The following SPOCK1 variants were observed in gnomAD, a reference collection of about 807,000 sequenced individuals.
The protein encoded by SPOCK1 is testican-1.
A neutral mutation model predicts 55.3 loss-of-function variants in SPOCK1; 23 were observed. The ratio of observed to expected loss-of-function variants is 0.42; its 90% CI spans 0.30 to 0.59. The LOEUF (loss-of-function observed/expected upper bound fraction) is 0.59, where lower values mean the gene tolerates loss of function less well. Ranked by LOEUF, SPOCK1 falls within the 20% of genes least tolerant of loss-of-function variation. The pLI is 0.22. For missense variants in SPOCK1, 499 were observed against 552.5 expected (o/e 0.90, Z 0.97); for synonymous variants, 226 against 221.0 (o/e 1.02, Z -0.20).
chr5:137,081,265 TAC>T (rs1437481776), intron 5 of SPOCK1, among the ~76,000 whole-genome samples: 1 of 152,190 alleles, frequency 6.6e-6, no homozygotes, highest in Non-Finnish European at 1.5e-5. Context: ...CTCGCTTACC[TAC>T]AGAGACTTCA....
At chr5:137,433,446 G>C (rs1561534475) in intron 2 of SPOCK1, among the ~76,000 whole-genome samples, 1 of 152,216 alleles carries the variant, frequency 6.6e-6, no homozygotes, top group Non-Finnish European at 1.5e-5. Context: ...CACACATCAA[G>C]TTGTCAAAAT....
At chr5:137,009,147 T>C (rs1178248720) in intron 6 of SPOCK1, among the ~76,000 whole-genome samples, 2 of 152,194 alleles carry the variant, frequency 1.3e-5, no homozygotes, top group African/African-American at 4.8e-5. Context: ...TCCATATTGA[T>C]TTTTACAAGA....
intron 2 of SPOCK1, among the ~76,000 whole-genome samples, chr5:137,346,799 C>A (rs1438308570): frequency 6.6e-6 from 1 of 152,136 alleles, no homozygotes; most frequent in African/African-American, 2.4e-5. Flanking sequence ...CAAACAAAAA[C>A]GTGCAATACG....
intron 3 of SPOCK1, among the ~76,000 whole-genome samples, chr5:137,224,632 T>C (rs974135434): frequency 2.6e-5 from 4 of 152,218 alleles, no homozygotes; most frequent in Non-Finnish European, 5.9e-5. Context: ...GCTGACTCTA[T>C]TGAGCTTAAT....
chr5:137,394,532 C>A (rs1326949497), intron 2 of SPOCK1, among the ~76,000 whole-genome samples: 1 of 152,184 alleles, frequency 6.6e-6, no homozygotes, highest in African/African-American at 2.4e-5. Flanking sequence ...CGCCTTATAG[C>A]CTTCATCAGC....
At chr5:137,363,830 G>A (rs56325267) in intron 2 of SPOCK1, among the ~76,000 whole-genome samples, 19,420 of 152,312 alleles carry the variant, frequency 0.13, 1,561 homozygotes, top group East Asian at 0.27. Flanking sequence ...CAAGGTGCAG[G>A]TGTCCTGCAG....
chr5:137,110,535 C>T (rs942966228), intron 5 of SPOCK1, among the ~76,000 whole-genome samples: 5 of 152,174 alleles, frequency 3.3e-5, no homozygotes, highest in African/African-American at 1.2e-4. Flanking sequence ...ATCCACCACT[C>T]CAGACATGGC....
chr5:137,234,407 C>T (rs1195184825), intron 3 of SPOCK1, among the ~76,000 whole-genome samples: 2 of 152,168 alleles, frequency 1.3e-5, no homozygotes, highest in East Asian at 1.9e-4. Context: ...GCTGCTGCAT[C>T]GCCTTTCCAG....
intron 2 of SPOCK1, among the ~76,000 whole-genome samples, chr5:137,492,541 C>G (rs1754207275): frequency 6.6e-6 from 1 of 152,178 alleles, no homozygotes; most frequent in East Asian, 1.9e-4. Flanking sequence ...GTTTTCTCTT[C>G]CATTTAAGCC....
chr5:137,164,478 C>G (rs11242369), intron 3 of SPOCK1, among the ~76,000 whole-genome samples: 7,304 of 152,216 alleles, frequency 0.048, 321 homozygotes, highest in East Asian at 0.13. Flanking sequence ...AGGTGAGGCT[C>G]TAAGATGTGC....
intron 6 of SPOCK1, among the ~76,000 whole-genome samples, chr5:137,007,409 G>T (rs572135756): frequency 6.6e-6 from 1 of 151,940 alleles, no homozygotes; most frequent in African/African-American, 2.4e-5. Flanking sequence ...CTGACAAAGG[G>T]CTAATATCCA....
chr5:137,295,975 T>C (rs1757471580), intron 2 of SPOCK1, among the ~76,000 whole-genome samples: 1 of 152,144 alleles, frequency 6.6e-6, no homozygotes, highest in Non-Finnish European at 1.5e-5. Context: ...TAACCCCCAA[T>C]GTGAGGTGTC....
At chr5:137,373,140 C>A (rs1751236113) in intron 2 of SPOCK1, among the ~76,000 whole-genome samples, 1 of 152,132 alleles carries the variant, frequency 6.6e-6, no homozygotes, top group South Asian at 2.1e-4. Context: ...GAACTTTGAG[C>A]CATATGAGTT....
chr5:137,437,955 T>C (rs1729429359), intron 2 of SPOCK1, among the ~76,000 whole-genome samples: 1 of 152,198 alleles, frequency 6.6e-6, no homozygotes, highest in Admixed American at 6.5e-5. Flanking sequence ...CACCTTAATT[T>C]CTGTTTCTGT....
chr5:137,438,809 A>G (rs930339710), intron 2 of SPOCK1, among the ~76,000 whole-genome samples: 1 of 152,250 alleles, frequency 6.6e-6, no homozygotes, highest in Non-Finnish European at 1.5e-5. Context: ...TAGGAGGTAG[A>G]CTAGACAGAC....
At chr5:137,316,016 G>A (rs939262410) in intron 2 of SPOCK1, among the ~76,000 whole-genome samples, 26 of 152,202 alleles carry the variant, frequency 1.7e-4, no homozygotes, top group Non-Finnish European at 3.5e-4. Context: ...TCGTTCACTT[G>A]TGCTATGACA....
intron 2 of SPOCK1, among the ~76,000 whole-genome samples, chr5:137,283,103 C>T (rs1757196209): frequency 6.6e-6 from 1 of 152,198 alleles, no homozygotes; most frequent in African/African-American, 2.4e-5. Flanking sequence ...AAATCTGATC[C>T]TCTGAGGCAC....
At chr5:136,996,838 G>A (rs890789301) in intron 6 of SPOCK1, among the ~76,000 whole-genome samples, 2 of 151,998 alleles carry the variant, frequency 1.3e-5, no homozygotes, top group African/African-American at 4.8e-5. Context: ...ACAAATAAAG[G>A]AATAAAAGCT....
intron 2 of SPOCK1, among the ~76,000 whole-genome samples, chr5:137,483,817 A>C (rs1463775264): frequency 1.3e-5 from 2 of 152,140 alleles, no homozygotes; most frequent in Non-Finnish European, 2.9e-5. Context: ...GCTGGGAATC[A>C]CTGCTCTAGG....
Sources: gnomAD v4.1 joint callset for allele counts (sites outside exome capture counted in the v4.1 genomes callset) on GRCh38, gnomAD v4.1.1 for gene constraint, MANE v1.5 for transcripts, NCBI Gene and HGNC (gene_info 2026-07-23, HGNC 2026-07-21) for gene names.